CHN1: variants seen among roughly 807,000 people sequenced by gnomAD.
The protein encoded by CHN1 is chimerin 1, also known as N-chimaerin.
In CHN1, 37 loss-of-function variants were observed where a neutral mutation model predicts 59.5. The ratio of observed to expected loss-of-function variants is 0.62; its 90% CI spans 0.48 to 0.82. The LOEUF (loss-of-function observed/expected upper bound fraction) is 0.82, where lower values mean the gene tolerates loss of function less well. CHN1 is among the 40% of genes least tolerant of loss of function. CHN1 has a pLI of 0.00. For synonymous variants in CHN1, 206 were observed against 200.4 expected (o/e 1.03, Z -0.24); for missense variants, 469 against 571.0 (o/e 0.82, Z 1.82).
chr2:174,890,280 A>G (rs1176468857), intron 5 of CHN1, among the ~76,000 whole-genome samples: 1 of 152,232 alleles, frequency 6.6e-6, no homozygotes, highest in East Asian at 1.9e-4. Context: ...CCATACTTGT[A>G]TCATGGAAAA....
At chr2:174,812,233 G>A (rs1685099709) in intron 9 of CHN1, 76 bp downstream of exon 9, 1 of 1,258,376 alleles carries the variant, frequency 7.9e-7, no homozygotes, top group Non-Finnish European at 1.1e-6. Flanking sequence ...ATTGTGCAAT[G>A]AGGTACCCAA....
At chr2:174,910,868 C>T (rs1234108529) in intron 5 of CHN1, among the ~76,000 whole-genome samples, 2 of 146,134 alleles carry the variant, frequency 1.4e-5, no homozygotes, top group Admixed American at 6.8e-5. Context: ...CCACAGCACT[C>T]CCGCCTGGGC....
At position 174,900,582 on chromosome 2, in the gene CHN1, G is replaced by T. The variant is rs544836122; in HGVS notation, c.260+14476C>A. On this transcript the variant is annotated intron_variant, in intron 5 of 12. Coordinates refer to ENST00000409900, the MANE Select transcript of CHN1 (RefSeq NM_001822.7). ...GTACTTTGGGAGGCCAAGGCGGGTGGATCACCTGAGGTCAGGAGTTCGAGA... is the reference window on the plus strand; with the variant it reads ...GTACTTTGGGAGGCCAAGGCGGGTGTATCACCTGAGGTCAGGAGTTCGAGA... 1.6e-4 allele frequency among the ~76,000 whole-genome samples: 25 copies of T among 152,306 alleles called. No individual in the cohort carries two copies. In the East Asian group the frequency reaches 4.6e-3, roughly 28 times the overall value.
chr2:174,996,627 C>T (rs1194319847), intron 1 of CHN1, among the ~76,000 whole-genome samples: 1 of 152,082 alleles, frequency 6.6e-6, no homozygotes, highest in Non-Finnish European at 1.5e-5. Context: ...AAGCTCTTTC[C>T]ACTACACTAC....
chr2:174,970,079 CGTTTAACCT>C (rs1306593535), intron 1 of CHN1, among the ~76,000 whole-genome samples: 2 of 152,112 alleles, frequency 1.3e-5, no homozygotes, highest in African/African-American at 4.8e-5. Context: ...AAAGAAAAAT[CGTTTAACCT>C]AAGAAAGCCC....
At chr2:174,872,046 C>T (rs1194119352) in intron 6 of CHN1, among the ~76,000 whole-genome samples, 2 of 152,090 alleles carry the variant, frequency 1.3e-5, no homozygotes, top group Non-Finnish European at 1.5e-5. Context: ...CTTCAGGAGG[C>T]GGAGGTGGGT....
intron 2 of CHN1, among the ~76,000 whole-genome samples, chr2:174,948,104 A>T (rs774356346): frequency 2.6e-5 from 4 of 152,226 alleles, no homozygotes; most frequent in Non-Finnish European, 5.9e-5. Flanking sequence ...TAAATTGTTC[A>T]TCAAGTCCAA....
At chr2:174,883,498 CTT>C (rs1687796845) in intron 5 of CHN1, among the ~76,000 whole-genome samples, 1 of 152,114 alleles carries the variant, frequency 6.6e-6, no homozygotes, top group South Asian at 2.1e-4. Flanking sequence ...CAAAAAAAGA[CTT>C]AAGAGTAGAG....
chr2:174,977,709 G>A (rs933255064), intron 1 of CHN1, among the ~76,000 whole-genome samples: 1 of 152,120 alleles, frequency 6.6e-6, no homozygotes, highest in Admixed American at 6.6e-5. Flanking sequence ...TGATGGAGTG[G>A]CAAAATGTTT....
chr2:174,925,493 T>C (rs984685310), intron 3 of CHN1, among the ~76,000 whole-genome samples: 2 of 152,246 alleles, frequency 1.3e-5, no homozygotes, highest in Non-Finnish European at 2.9e-5. Flanking sequence ...AGGCCTTCCC[T>C]TTCTAGGTCT....
chr2:174,835,589 T>A (rs77380984), intron 7 of CHN1, among the ~76,000 whole-genome samples: 1 of 151,620 alleles, frequency 6.6e-6, no homozygotes, highest in African/African-American at 2.4e-5. Context: ...TTTTTTTTTT[T>A]AATTCTCTGT....
At chr2:174,839,453 T>C (rs1212758883) in intron 7 of CHN1, among the ~76,000 whole-genome samples, 1 of 152,172 alleles carries the variant, frequency 6.6e-6, no homozygotes, top group East Asian at 1.9e-4. Context: ...ATTCCACTTA[T>C]ATGAGGTATC....
intron 6 of CHN1, among the ~76,000 whole-genome samples, chr2:174,855,105 A>C (rs1686861659): frequency 6.6e-6 from 1 of 152,184 alleles, no homozygotes; most frequent in African/African-American, 2.4e-5. Context: ...TGGGATTGAG[A>C]CTTAAGCCAA....
At chr2:174,827,520 T>C (rs758003593) in intron 7 of CHN1, among the ~76,000 whole-genome samples, 7 of 152,168 alleles carry the variant, frequency 4.6e-5, no homozygotes, top group African/African-American at 7.2e-5. Flanking sequence ...TGGCAGGAGA[T>C]AGGAGAGGCA....
At chr2:174,956,244 A>G (rs973075050) in intron 1 of CHN1, among the ~76,000 whole-genome samples, 1 of 152,216 alleles carries the variant, frequency 6.6e-6, no homozygotes, top group African/African-American at 2.4e-5. Context: ...TATCCACTAG[A>G]ATTATCCTTC....
chr2:174,858,756 T>A (rs1164167716), intron 6 of CHN1, among the ~76,000 whole-genome samples: 1 of 152,020 alleles, frequency 6.6e-6, no homozygotes, highest in East Asian at 1.9e-4. Flanking sequence ...TAGGTTCTTA[T>A]TTTTATACAG....
chr2:174,823,546 C>T (rs1685572895), intron 8 of CHN1, among the ~76,000 whole-genome samples: 1 of 151,974 alleles, frequency 6.6e-6, no homozygotes, highest in Non-Finnish European at 1.5e-5. Flanking sequence ...ACCTGTAGTC[C>T]CAGCTACTCG....
At chr2:174,894,128 C>T (rs903165695) in intron 5 of CHN1, among the ~76,000 whole-genome samples, 1 of 133,128 alleles carries the variant, frequency 7.5e-6, no homozygotes, top group African/African-American at 2.5e-5. Context: ...CACGACAGCA[C>T]AAAAAACTTC....
chr2:174,987,973 CA>C (rs572492305), intron 1 of CHN1, among the ~76,000 whole-genome samples: 10 of 151,028 alleles, frequency 6.6e-5, no homozygotes, highest in South Asian at 2.1e-4. Flanking sequence ...TGAGAAAGAC[CA>C]AAAAAAACCC....
Sources: gnomAD v4.1 joint callset for allele counts (sites outside exome capture counted in the v4.1 genomes callset) on GRCh38, gnomAD v4.1.1 for gene constraint, MANE v1.5 for transcripts, NCBI Gene and HGNC (gene_info 2026-07-23, HGNC 2026-07-21) for gene names.